FLRT1: variants seen among roughly 807,000 people sequenced by gnomAD.
The protein encoded by FLRT1 is fibronectin leucine rich transmembrane protein 1, also known as leucine-rich repeat transmembrane protein FLRT1.
Under a neutral mutation model 30.9 loss-of-function variants are expected in FLRT1, and 14 were observed. The observed-to-expected ratio is 0.45, with a 90% confidence interval of 0.30 to 0.71. The LOEUF (loss-of-function observed/expected upper bound fraction) is 0.71, where lower values mean the gene tolerates loss of function less well. FLRT1 is among the 30% of genes least tolerant of loss of function. The probability of loss-of-function intolerance (pLI) is 0.08; values close to 1 mark genes in which losing one functional copy is unlikely to be tolerated. For missense variants in FLRT1, 737 were observed against 949.2 expected, an observed-to-expected ratio of 0.78 and a Z score of 2.94; for synonymous variants, 368 against 430.4, an observed-to-expected ratio of 0.85 and a Z score of 1.80.
At chr11:64,068,393 G>A (rs1206999287) in intron 1 of FLRT1, among the ~76,000 whole-genome samples, 6 of 152,228 alleles carry the variant, frequency 3.9e-5, no homozygotes, top group Non-Finnish European at 1.5e-5. Flanking sequence ...CCTAGTAGCT[G>A]TAAAATGGAG....
chr11:64,080,898 T>G (rs922221926), intron 1 of FLRT1, among the ~76,000 whole-genome samples: 5 of 152,228 alleles, frequency 3.3e-5, no homozygotes, highest in African/African-American at 1.2e-4. Context: ...GGACTCGGGC[T>G]GCAGGCAGAC....
intron 2 of FLRT1, among the ~76,000 whole-genome samples, chr11:64,105,305 C>G (rs1056712662): frequency 1.3e-5 from 2 of 152,174 alleles, no homozygotes; most frequent in African/African-American, 4.8e-5. Flanking sequence ...CAGGCTGAAG[C>G]CAAGCTAGAG....
intron 1 of FLRT1, among the ~76,000 whole-genome samples, chr11:64,080,411 C>T (rs753924944): frequency 2.0e-5 from 3 of 152,128 alleles, no homozygotes; most frequent in Non-Finnish European, 4.4e-5. Context: ...TAGAATTCAG[C>T]GGGTTTTTTT....
rs957708803 is a variant in FLRT1 at position 64,110,865 on chromosome 11, T to G, written c.-49-5354T>G. Reference sequence around the variant, plus strand: ...AGCAGGCACCCAGGCAATTAGAGATTCCTCTGGTGAGGCGTGCTATCTTCC... The same window carrying G: ...AGCAGGCACCCAGGCAATTAGAGATGCCTCTGGTGAGGCGTGCTATCTTCC... On this transcript the variant is annotated intron_variant, in intron 2 of 2. Coordinates refer to ENST00000682287, the MANE Select transcript of FLRT1 (RefSeq NM_013280.5). Among the ~76,000 whole-genome samples, 90 of 152,278 alleles carry G rather than the reference T, an allele frequency of 5.9e-4. 1 individual carries two copies. Among genetic ancestry groups the G allele is most frequent in the African/African-American group, 1.9e-3 (81 of 41,566 alleles).
intron 1 of FLRT1, among the ~76,000 whole-genome samples, chr11:64,058,581 G>C (rs1396295910): frequency 6.6e-6 from 1 of 152,270 alleles, no homozygotes; most frequent in Non-Finnish European, 1.5e-5. Flanking sequence ...GGGTGGTGGA[G>C]GAGCCGGCAG....
At chr11:64,042,281 C>A (rs1720518987) in intron 1 of FLRT1, among the ~76,000 whole-genome samples, 1 of 152,122 alleles carries the variant, frequency 6.6e-6, no homozygotes, top group South Asian at 2.1e-4. Context: ...CCACATCTCA[C>A]CCCCACCTCT....
rs139254051 is a variant in FLRT1 at position 64,114,548 on chromosome 11, CATGG to C, written c.-49-1649_-49-1646del. On this transcript the variant is annotated intron_variant, in intron 2 of 2. Transcript: ENST00000682287. ...GGACAGGTGGATGTATGGATTGATG[CATGG>C]ATGGATGGATGGATGGATGGACAGG... Among the ~76,000 whole-genome samples, 338 of 136,108 alleles carry C rather than the reference CATGG, an allele frequency of 2.5e-3. 1 individual carries two copies. Among genetic ancestry groups the C allele is most frequent in the African/African-American group, 9.3e-3 (313 of 33,482 alleles). The allele number at this position is 136,108 out of a possible 152,430, so 89.3% of individuals were successfully genotyped here. A position where few individuals can be genotyped will look rare whatever the true frequency, so the allele number is the denominator to read the frequency against.
intron 1 of FLRT1, among the ~76,000 whole-genome samples, chr11:64,038,503 G>T (rs925251751): frequency 4.6e-5 from 7 of 152,204 alleles, no homozygotes; most frequent in Admixed American, 4.6e-4. Context: ...AGAGGTGGGT[G>T]TAGAGCCCAG....
At chr11:64,110,433 G>A (rs1944840568) in intron 2 of FLRT1, among the ~76,000 whole-genome samples, 1 of 150,670 alleles carries the variant, frequency 6.6e-6, no homozygotes, top group Non-Finnish European at 1.5e-5. Context: ...CTGGGTGACA[G>A]AGCGAGACTG....
At position 64,108,632 on chromosome 11, in the gene FLRT1, T is replaced by C. The variant is rs1331721593; in HGVS notation, c.-50+4451T>C. 2.0e-5 allele frequency among the ~76,000 whole-genome samples: 3 copies of C among 152,172 alleles called. No individual in the cohort carries two copies. In the East Asian group the frequency reaches 5.8e-4, roughly 29 times the overall value. On this transcript the variant is annotated intron_variant, in intron 2 of 2. Coordinates refer to ENST00000682287, the MANE Select transcript of FLRT1 (RefSeq NM_013280.5). ...TGCCTTGGTAGGGCTTCCTGTCTAGTGGGAGGTGGGACTGGGGTCCCACTG... is the reference window on the plus strand; with the variant it reads ...TGCCTTGGTAGGGCTTCCTGTCTAGCGGGAGGTGGGACTGGGGTCCCACTG...
At chr11:64,100,436 T>C (rs972222621) in intron 1 of FLRT1, among the ~76,000 whole-genome samples, 4 of 152,190 alleles carry the variant, frequency 2.6e-5, no homozygotes, top group Non-Finnish European at 2.9e-5. Flanking sequence ...TTATTGGTTT[T>C]GAGCACAGAG....
At chr11:64,107,091 C>T (rs1179017210) in intron 2 of FLRT1, among the ~76,000 whole-genome samples, 1 of 152,070 alleles carries the variant, frequency 6.6e-6, no homozygotes, top group Non-Finnish European at 1.5e-5. Flanking sequence ...GCCATGTTGA[C>T]CAGGCTGGTT....
At chr11:64,075,522 G>A (rs1290759842) in intron 1 of FLRT1, among the ~76,000 whole-genome samples, 2 of 152,240 alleles carry the variant, frequency 1.3e-5, no homozygotes, top group Admixed American at 6.5e-5. Context: ...GGCTCAAACC[G>A]AGGGAACAGG....
chr11:64,067,623 G>A lies in FLRT1; in HGVS notation c.-1038+31464G>A, dbSNP rs192346344. Among the ~76,000 whole-genome samples, 915 of 152,258 alleles carry A rather than the reference G, an allele frequency of 6.0e-3. 7 individuals carry two copies. The highest frequency in any genetic ancestry group is 0.021 in the African/African-American group (878 of 41,564). On this transcript the variant is annotated intron_variant, in intron 1 of 2. Transcript: ENST00000682287. This position sits in a 1 kb window ranked among gnomAD's most constrained non-coding sequence, Gnocchi z 4.6. ...AGGTGGGTGACGCACCAACATGCCC[G>A]TGGCCTCCGGTGCACACACAGGGTC... is the stretch of plus-strand genomic sequence containing the variant.
chr11:64,056,600 A>G (rs972125050), intron 1 of FLRT1, among the ~76,000 whole-genome samples: 1 of 152,220 alleles, frequency 6.6e-6, no homozygotes, highest in African/African-American at 2.4e-5. Flanking sequence ...GCCAGCCCTG[A>G]GTCCGGATGG....
intron 1 of FLRT1, among the ~76,000 whole-genome samples, chr11:64,045,975 C>A (rs957272353): frequency 3.9e-5 from 6 of 152,178 alleles, no homozygotes; most frequent in Non-Finnish European, 8.8e-5. Context: ...TCACTGTGGA[C>A]CTGCAGTGTG....
At chr11:64,041,218 A>AAAAAAAAAAAAAAAAAAC in intron 1 of FLRT1, among the ~76,000 whole-genome samples, 1 of 148,622 alleles carries the variant, frequency 6.7e-6, no homozygotes, top group African/African-American at 2.5e-5. Flanking sequence ...AAAAAAAAAA[A>AAAAAAAAAAAAAAAAAAC]AAAAAAAAAA....
chr11:64,114,600 T>G (rs1944940410), intron 2 of FLRT1, among the ~76,000 whole-genome samples: 1 of 145,790 alleles, frequency 6.9e-6, no homozygotes, highest in Admixed American at 6.8e-5. Flanking sequence ...GGAAGGATGG[T>G]GGACAGATGG....
chr11:64,070,010 C>A, intron 1 of FLRT1, among the ~76,000 whole-genome samples: 1 of 152,216 alleles, frequency 6.6e-6, no homozygotes, highest in Middle Eastern at 3.4e-3. Flanking sequence ...GGGGGACAGG[C>A]GGGGATGGTG....
Sources: allele counts gnomAD v4.1 joint callset (sites outside exome capture counted in the v4.1 genomes callset), GRCh38; gene constraint gnomAD v4.1.1; non-coding constraint Gnocchi (gnomAD v3.1); transcripts MANE v1.5; gene names NCBI Gene and HGNC (gene_info 2026-07-23, HGNC 2026-07-21).